ZNF385D: variants seen among roughly 807,000 people sequenced by gnomAD.
ZNF385D encodes the protein zinc finger protein 659.
Under a neutral mutation model 35.8 loss-of-function variants are expected in ZNF385D, and 15 were observed. That is an observed-to-expected ratio of 0.42 (90% CI 0.28 to 0.64). The LOEUF is 0.64. Among genes scored for constraint, ZNF385D ranks in the 30% least tolerant of loss-of-function variants. The pLI is 0.23. For missense variants in ZNF385D, 474 were observed against 494.6 expected (o/e 0.96, Z 0.39); for synonymous variants, 212 against 186.8 (o/e 1.13, Z -1.10).
intron 3 of ZNF385D, chr3:21,978,201 T>C (rs553338789): frequency 1.3e-5 from 2 of 152,356 alleles, no homozygotes; most frequent in Middle Eastern, 3.4e-3. Context: ...TTTACTGCAA[T>C]CTCTTAATTC....
chr3:21,865,681 A>T (rs1306902063), intron 3 of ZNF385D, among the ~76,000 whole-genome samples: 2 of 152,120 alleles, frequency 1.3e-5, no homozygotes, highest in African/African-American at 4.8e-5. Flanking sequence ...TAGTTTGAGG[A>T]ACTTAGTTTA....
At chr3:21,606,807 A>G (rs1559454285) in intron 2 of ZNF385D, among the ~76,000 whole-genome samples, 1 of 152,252 alleles carries the variant, frequency 6.6e-6, no homozygotes, top group Non-Finnish European at 1.5e-5. Flanking sequence ...ATTAGGATTT[A>G]ACCTCCATGC....
intron 2 of ZNF385D, among the ~76,000 whole-genome samples, chr3:22,179,976 CA>C (rs1695118683): frequency 6.6e-6 from 1 of 152,002 alleles, no homozygotes; most frequent in Non-Finnish European, 1.5e-5. Context: ...AAAAACCCTT[CA>C]AAAAATCAAT....
chr3:22,212,274 C>T (rs1389067191), intron 2 of ZNF385D, among the ~76,000 whole-genome samples: 1 of 151,994 alleles, frequency 6.6e-6, no homozygotes, highest in African/African-American at 2.4e-5. Context: ...TCTGCTGTAC[C>T]CATCTATCAA....
At chr3:21,834,849 G>A (rs1428121104) in intron 3 of ZNF385D, among the ~76,000 whole-genome samples, 2 of 152,096 alleles carry the variant, frequency 1.3e-5, no homozygotes, top group East Asian at 3.9e-4. Context: ...TAAAAGTGTG[G>A]TACTTCCCCC....
chr3:22,174,597 C>T (rs961616676), intron 2 of ZNF385D, among the ~76,000 whole-genome samples: 1 of 152,118 alleles, frequency 6.6e-6, no homozygotes, highest in Non-Finnish European at 1.5e-5. Context: ...CAGACACTCT[C>T]ATATAAATAG....
intron 2 of ZNF385D, among the ~76,000 whole-genome samples, chr3:22,182,847 A>T (rs986412682): frequency 6.6e-6 from 1 of 152,100 alleles, no homozygotes; most frequent in Non-Finnish European, 1.5e-5. Flanking sequence ...TATACAATAG[A>T]GATTTTTTTC....
intron 2 of ZNF385D, among the ~76,000 whole-genome samples, chr3:21,653,095 CT>C (rs1380420643): frequency 1.3e-5 from 2 of 152,114 alleles, no homozygotes; most frequent in Non-Finnish European, 2.9e-5. Context: ...CCTGCTTTCT[CT>C]TTCTCACTGG....
At chr3:21,815,732 G>A (rs747879608) in intron 3 of ZNF385D, among the ~76,000 whole-genome samples, 1 of 152,200 alleles carries the variant, frequency 6.6e-6, no homozygotes, top group Non-Finnish European at 1.5e-5. Context: ...CGGATTCACA[G>A]CTGAATTCTA....
intron 2 of ZNF385D, among the ~76,000 whole-genome samples, chr3:21,659,467 C>G (rs576654582): frequency 1.3e-5 from 2 of 151,988 alleles, no homozygotes; most frequent in African/African-American, 4.8e-5. Flanking sequence ...TCAGTTGAAA[C>G]GCAAGTGGTA....
chr3:21,685,129 A>G (rs1394829536), intron 1 of ZNF385D, among the ~76,000 whole-genome samples: 1 of 152,198 alleles, frequency 6.6e-6, no homozygotes, highest in Non-Finnish European at 1.5e-5. Context: ...TGGCCCATAC[A>G]GGTGTTATGG....
intron 3 of ZNF385D, among the ~76,000 whole-genome samples, chr3:22,072,317 T>C (rs781115484): frequency 2.0e-5 from 3 of 146,698 alleles, no homozygotes; most frequent in Non-Finnish European, 3.0e-5. Context: ...TATATACTTC[T>C]TGGAAGTTAT....
intron 3 of ZNF385D, among the ~76,000 whole-genome samples, chr3:22,093,507 CTATT>C (rs1298631782): frequency 6.6e-6 from 1 of 151,892 alleles, no homozygotes; most frequent in African/African-American, 2.4e-5. Flanking sequence ...TATTAAAGGT[CTATT>C]TATTTATAAG....
At chr3:22,167,211 C>A (rs1049530363) in intron 3 of ZNF385D, among the ~76,000 whole-genome samples, 30 of 152,290 alleles carry the variant, frequency 2.0e-4, no homozygotes, top group African/African-American at 7.2e-4. Context: ...TGATCCCCAC[C>A]CTTTACCTAT....
intron 2 of ZNF385D, among the ~76,000 whole-genome samples, chr3:21,589,874 G>T (rs966100828): frequency 3.9e-5 from 6 of 152,040 alleles, no homozygotes; most frequent in Non-Finnish European, 8.8e-5. Context: ...AGAACAAAAA[G>T]AACTCTTATA....
chr3:22,230,983 G>A (rs780176896), intron 2 of ZNF385D, among the ~76,000 whole-genome samples: 1 of 151,966 alleles, frequency 6.6e-6, no homozygotes, highest in South Asian at 2.1e-4. Flanking sequence ...CTTCCCAGAA[G>A]GGCAATCTCT....
chr3:21,673,866 G>T (rs1422573841), intron 1 of ZNF385D, among the ~76,000 whole-genome samples: 4 of 152,034 alleles, frequency 2.6e-5, no homozygotes, highest in Admixed American at 2.6e-4. Context: ...CCAACAAATT[G>T]TGTCAAAATC....
At chr3:21,424,658 C>T (rs1190689958) in intron 6 of ZNF385D, among the ~76,000 whole-genome samples, 14 of 146,954 alleles carry the variant, frequency 9.5e-5, no homozygotes, top group Non-Finnish European at 1.8e-4. Context: ...TTTTTTTTTC[C>T]GAGCTTTTCT....
chr3:21,733,902 G>C (rs1315360177), intron 1 of ZNF385D, among the ~76,000 whole-genome samples: 2 of 152,040 alleles, frequency 1.3e-5, no homozygotes, highest in African/African-American at 2.4e-5. Flanking sequence ...ATATATAAAA[G>C]TATTGAGATT....
Sources: allele counts gnomAD v4.1 joint callset (sites outside exome capture counted in the v4.1 genomes callset), GRCh38; gene constraint gnomAD v4.1.1; transcripts MANE v1.5; gene names NCBI Gene and HGNC (gene_info 2026-07-23, HGNC 2026-07-21).